XPO1: variants seen among roughly 807,000 people sequenced by gnomAD.
XPO1 encodes exportin-1.
In XPO1, 5 loss-of-function variants were observed where a neutral mutation model predicts 133.3. The observed-to-expected ratio is 0.04, with a 90% confidence interval of 0.02 to 0.08. XPO1 has a LOEUF of 0.08. XPO1 is among the 10% of genes least tolerant of loss of function. XPO1 has a pLI of 1.00. For synonymous variants in XPO1, 419 were observed against 408.2 expected (o/e 1.03, Z -0.32); for missense variants, 506 against 1,267.5 (o/e 0.40, Z 9.12).
intron 4 of XPO1, among the ~76,000 whole-genome samples, chr2:61,503,030 A>G (rs1383111877): frequency 6.7e-6 from 1 of 150,192 alleles, no homozygotes; most frequent in South Asian, 2.1e-4. Context: ...CAGTGGCACA[A>G]TCTTGGCTCC....
chr2:61,512,955 G>A (rs116727911), intron 4 of XPO1, among the ~76,000 whole-genome samples: 65 of 152,184 alleles, frequency 4.3e-4, no homozygotes, highest in African/African-American at 1.5e-3. Context: ...AGCCAAGATC[G>A]CGCCACTGTA....
At chr2:61,495,319 G>T in intron 11 of XPO1, 136 bp downstream of exon 11, 1 of 607,294 alleles carries the variant, frequency 1.6e-6, no homozygotes, top group Non-Finnish European at 2.4e-6. Context: ...TCAGAATTGA[G>T]AATATATATA....
intron 4 of XPO1, among the ~76,000 whole-genome samples, chr2:61,503,274 G>T (rs951554744): frequency 1.3e-5 from 2 of 149,564 alleles, no homozygotes; most frequent in South Asian, 2.2e-4. Flanking sequence ...TCTTTTTTTT[G>T]GAGACAGTCT....
chr2:61,528,262 G>C (rs189580576), intron 2 of XPO1, among the ~76,000 whole-genome samples: 1 of 152,046 alleles, frequency 6.6e-6, no homozygotes, highest in East Asian at 1.9e-4. Context: ...GTCTTTTCCT[G>C]TCCACATTTT....
chr2:61,500,868 C>T (rs969956545), intron 6 of XPO1, among the ~76,000 whole-genome samples: 2 of 151,998 alleles, frequency 1.3e-5, no homozygotes, highest in African/African-American at 2.4e-5. Context: ...AAAAAGTGAC[C>T]GGTTAAGACA....
chr2:61,520,707 T>C (rs1698649928), intron 4 of XPO1, among the ~76,000 whole-genome samples: 1 of 152,168 alleles, frequency 6.6e-6, no homozygotes, highest in African/African-American at 2.4e-5. Context: ...CAAATGTAAC[T>C]ACAGTGTTGA....
At chr2:61,485,740 C>A (rs747936385) in intron 20 of XPO1, 28 bp downstream of exon 20, 57 of 1,560,222 alleles carry the variant, frequency 3.7e-5, no homozygotes, top group Non-Finnish European at 4.5e-5. Flanking sequence ...GCAGAATTTC[C>A]CCCTTACATA....
At chr2:61,502,434 C>T in intron 4 of XPO1, 124 bp from the exon 5 acceptor site, 1 of 927,430 alleles carries the variant, frequency 1.1e-6, no homozygotes. Context: ...ATACTCTAAT[C>T]CTGTCACCAG....
At chr2:61,493,758 G>T (rs991116892) in intron 12 of XPO1, 136 bp downstream of exon 12, 5 of 922,672 alleles carry the variant, frequency 5.4e-6, no homozygotes, top group Non-Finnish European at 5.0e-6. Flanking sequence ...TCATGTTCTA[G>T]TTTTCCACAC....
intron 1 of XPO1, among the ~76,000 whole-genome samples, chr2:61,535,165 AT>A (rs1298668546): frequency 1.3e-5 from 2 of 152,222 alleles, no homozygotes. Context: ...GCCCAGAATT[AT>A]AAAATATATC....
At chr2:61,522,769 C>T in intron 3 of XPO1, 86 bp from the exon 4 acceptor site, 3 of 934,310 alleles carry the variant, frequency 3.2e-6, no homozygotes, top group Non-Finnish European at 5.1e-6. Flanking sequence ...GACATTCACA[C>T]ATTTACATCT....
At chr2:61,502,909 T>C (rs1697606157) in intron 4 of XPO1, among the ~76,000 whole-genome samples, 1 of 151,666 alleles carries the variant, frequency 6.6e-6, no homozygotes, top group Non-Finnish European at 1.5e-5. Context: ...GCCCAGCCTA[T>C]AACAAACTGC....
intron 16 of XPO1, among the ~76,000 whole-genome samples, chr2:61,491,453 AAAACAAACAC>A (rs1412851543): frequency 2.0e-5 from 2 of 101,790 alleles, no homozygotes; most frequent in African/African-American, 8.4e-5. Flanking sequence ...TCCATCTCAA[AAAACAAACAC>A]ACACACACAC....
chr2:61,502,124 G>A (rs543753957), intron 5 of XPO1, 84 bp from the exon 6 acceptor site: 289 of 1,496,152 alleles, frequency 1.9e-4, no homozygotes, highest in Non-Finnish European at 2.4e-4. Flanking sequence ...AATGATTACA[G>A]CTCTACTGTA....
rs987356613 is a variant in XPO1, at chr2:61,493,963, C to T, written c.1176G>A (p.Pro392=). 9.3e-6 allele frequency: 15 copies of T among 1,613,944 alleles called. No individual in the cohort carries two copies. Among genetic ancestry groups the T allele is most frequent in the East Asian group, 4.5e-5 (2 of 44,876 alleles). The change falls in exon 12 of 25, where the codon CCG becomes CCA. Residue 392 remains proline, a synonymous_variant. Transcript: ENST00000401558. ...CAAAATGTTGACTTCCAGAAAGCAA[C>T]GGAGAGGCAGATGTAGAGAATGGAC... ...RESPFSTSAS[P]LLSGSQHFDV... is the part of the protein sequence containing the mutation.
chr2:61,535,645 TA>T (rs1226164039), intron 1 of XPO1, among the ~76,000 whole-genome samples: 1 of 152,224 alleles, frequency 6.6e-6, no homozygotes, highest in Non-Finnish European at 1.5e-5. Context: ...ATGAGTCACC[TA>T]TGATTGATAT....
intron 2 of XPO1, among the ~76,000 whole-genome samples, chr2:61,528,583 G>T (rs2104799470): frequency 6.7e-6 from 1 of 149,512 alleles, no homozygotes; most frequent in East Asian, 2.0e-4. Context: ...AGTGAGCCAA[G>T]ATTCCCCAAG....
rs766168814 is a variant in XPO1, at chr2:61,478,370, G to A, written c.*450C>T. On this transcript the variant is annotated 3_prime_UTR_variant, in exon 25 of 25. Transcript: ENST00000401558. ...AGAGGTGCTAACTTCAGACAATGCA[G>A]CACTATAATCCTTTAAACAACGCAA... 1.6e-5 allele frequency: 4 copies of A among 243,976 alleles called. No individual in the cohort carries two copies. The highest frequency in any genetic ancestry group is 3.2e-5 in the Non-Finnish European group (4 of 125,360). The allele number at this position is 243,976 out of a possible 1,614,324, so 15.1% of individuals were successfully genotyped here.
At chr2:61,528,163 GA>G (rs1698989196) in intron 2 of XPO1, among the ~76,000 whole-genome samples, 1 of 151,500 alleles carries the variant, frequency 6.6e-6, no homozygotes, top group Non-Finnish European at 1.5e-5. Context: ...CTGACCTCGT[GA>G]CCCGCCTGCC....
Sources: gnomAD v4.1 joint callset for allele counts (sites outside exome capture counted in the v4.1 genomes callset) on GRCh38, gnomAD v4.1.1 for gene constraint, MANE v1.5 for transcripts, NCBI Gene and HGNC (gene_info 2026-07-23, HGNC 2026-07-21) for gene names.